Variants in RASGEF1C observed in about 807,000 individuals in gnomAD.
RASGEF1C encodes ras-GEF domain-containing family member 1C.
Under a neutral mutation model 58.1 loss-of-function variants are expected in RASGEF1C, and 27 were observed. The ratio of observed to expected loss-of-function variants is 0.46; its 90% confidence interval spans 0.34 to 0.64. The LOEUF is 0.64. Among genes scored for constraint, RASGEF1C ranks in the 30% least tolerant of loss-of-function variants. The pLI is 0.01. For missense variants in RASGEF1C, 502 were observed against 605.1 expected, an observed-to-expected ratio of 0.83 and a Z score of 1.79; for synonymous variants, 243 against 246.3, an observed-to-expected ratio of 0.99 and a Z score of 0.13.
chr5:180,110,661 A>C (rs2113239948), intron 12 of RASGEF1C, among the ~76,000 whole-genome samples: 1 of 152,320 alleles, frequency 6.6e-6, no homozygotes, highest in East Asian at 1.9e-4. Flanking sequence ...ACAAATGATC[A>C]TATGGAAATG....
intron 4 of RASGEF1C, among the ~76,000 whole-genome samples, chr5:180,129,752 T>G (rs1766331578): frequency 6.6e-6 from 1 of 152,202 alleles, no homozygotes; most frequent in African/African-American, 2.4e-5. Context: ...CTCCCACCAC[T>G]GCCTCTGCCA....
intron 10 of RASGEF1C, among the ~76,000 whole-genome samples, chr5:180,117,349 T>C (rs1364888398): frequency 6.6e-6 from 1 of 152,210 alleles, no homozygotes; most frequent in African/African-American, 2.4e-5. Context: ...TTCCCAAACC[T>C]GCCCACTGGC....
intron 1 of RASGEF1C, among the ~76,000 whole-genome samples, chr5:180,146,377 C>T (rs1766661357): frequency 6.6e-6 from 1 of 152,280 alleles, no homozygotes; most frequent in African/African-American, 2.4e-5. Context: ...TTTCCAACTC[C>T]TGAGCTCAAG....
Position 180,121,471 on chromosome 5 carries a change from G to A in RASGEF1C, c.715-322C>T, listed in dbSNP as rs181676708. Among the ~76,000 whole-genome samples the A allele has an allele frequency of 9.2e-3, 1,404 of 152,090 alleles. 12 individuals carry two copies. The highest frequency in any genetic ancestry group is 0.014 in the Non-Finnish European group (926 of 67,996). On this transcript the variant is annotated intron_variant, in intron 6 of 13. Transcript: ENST00000361132. ...TGGGACTACAGGCGCCCGCCACCAC[G>A]CCCAGAGAATTTTTTGTATTTTTAG...
chr5:180,182,725 T>C (rs1361663387), intron 1 of RASGEF1C, among the ~76,000 whole-genome samples: 4 of 152,224 alleles, frequency 2.6e-5, no homozygotes, highest in African/African-American at 9.6e-5. Context: ...GATGCGTTTT[T>C]ACAGAGTGCT....
chr5:180,208,052 T>C (rs972186486), intron 1 of RASGEF1C, among the ~76,000 whole-genome samples: 10 of 152,280 alleles, frequency 6.6e-5, no homozygotes, highest in South Asian at 2.1e-4. Flanking sequence ...TCAATGAATG[T>C]GGCCAGTGAG....
intron 1 of RASGEF1C, among the ~76,000 whole-genome samples, chr5:180,205,479 C>T (rs1756470845): frequency 6.6e-6 from 1 of 152,080 alleles, no homozygotes; most frequent in Non-Finnish European, 1.5e-5. Context: ...GATAACTCAA[C>T]TTCATAAAGA....
chr5:180,173,782 G>A (rs185283704), intron 1 of RASGEF1C, among the ~76,000 whole-genome samples: 28 of 152,132 alleles, frequency 1.8e-4, no homozygotes, highest in East Asian at 1.4e-3. Context: ...GCGTGGTGGT[G>A]GGCGCCTGTA....
At chr5:180,162,595 T>C (rs1766958908) in intron 1 of RASGEF1C, among the ~76,000 whole-genome samples, 1 of 152,238 alleles carries the variant, frequency 6.6e-6, no homozygotes. Flanking sequence ...CCCTTCCACA[T>C]TTGATCAACA....
chr5:180,108,716 T>C (rs1765908398), intron 12 of RASGEF1C, among the ~76,000 whole-genome samples: 1 of 152,216 alleles, frequency 6.6e-6, no homozygotes, highest in African/African-American at 2.4e-5. Flanking sequence ...TATATTTTCA[T>C]TTGCTTCAAG....
chr5:180,130,940 G>T (rs572208449), intron 4 of RASGEF1C, among the ~76,000 whole-genome samples: 2 of 152,082 alleles, frequency 1.3e-5, no homozygotes, highest in Non-Finnish European at 1.5e-5. Flanking sequence ...TGGATAGCGC[G>T]TCGGCCACCA....
At chr5:180,174,862 G>A (rs952795313) in intron 1 of RASGEF1C, among the ~76,000 whole-genome samples, 5 of 152,182 alleles carry the variant, frequency 3.3e-5, no homozygotes, top group East Asian at 3.9e-4. Flanking sequence ...GAGAGGGGCC[G>A]ACCTGTGCTA....
chr5:180,175,920 A>G (rs1218486973), intron 1 of RASGEF1C, among the ~76,000 whole-genome samples: 1 of 152,340 alleles, frequency 6.6e-6, no homozygotes, highest in East Asian at 1.9e-4. Context: ...CCCGGAAGGC[A>G]GAGCTTGAAG....
chr5:180,207,803 G>A (rs1339416304), intron 1 of RASGEF1C, among the ~76,000 whole-genome samples: 1 of 152,030 alleles, frequency 6.6e-6, no homozygotes, highest in Non-Finnish European at 1.5e-5. Flanking sequence ...CTGTTCCCCC[G>A]GGCTACCCGT....
At chr5:180,190,688 A>T (rs185285662) in intron 1 of RASGEF1C, among the ~76,000 whole-genome samples, 23 of 151,640 alleles carry the variant, frequency 1.5e-4, no homozygotes, top group East Asian at 7.7e-4. Context: ...ATAATAATAA[A>T]AATTTTAAAA....
chr5:180,162,456 C>G (rs756159332), intron 1 of RASGEF1C, among the ~76,000 whole-genome samples: 8 of 152,254 alleles, frequency 5.3e-5, no homozygotes, highest in Non-Finnish European at 1.0e-4. Flanking sequence ...GGAGGGGCCA[C>G]AGGCCAAGAG....
chr5:180,119,255 C>T, intron 8 of RASGEF1C, 91 bp downstream of exon 8: 1 of 1,098,386 alleles, frequency 9.1e-7, no homozygotes, highest in Non-Finnish European at 1.4e-6. Context: ...GAGGAGAGCC[C>T]TGGCTTGCAC....
chr5:180,101,967 T>A (rs986487169), intron 13 of RASGEF1C, 104 bp downstream of exon 13: 1 of 829,488 alleles, frequency 1.2e-6, no homozygotes, highest in Non-Finnish European at 2.0e-6. Context: ...CTCGGCCCTG[T>A]CCTGGTCCCA....
Position 180,137,223 on chromosome 5 carries a change from A to G in RASGEF1C, c.300+367T>C, listed in dbSNP as rs146743373. Among the ~76,000 whole-genome samples the G allele has an allele frequency of 1.3e-5, 2 of 152,122 alleles. No homozygotes were observed. The highest frequency in any genetic ancestry group is 4.8e-5 in the African/African-American group (2 of 41,428). On this transcript the variant is annotated intron_variant, in intron 3 of 13. Transcript: ENST00000361132. The surrounding 1 kb of genome is among the most constrained non-coding windows in gnomAD (Gnocchi z 4.1). ...GGTAGAGCCCTACCGACGCGTGTGC[A>G]ATAGAGGCAGCCCGCAGGACCCGGC...
Sources: gnomAD v4.1 joint callset for allele counts (sites outside exome capture counted in the v4.1 genomes callset) on GRCh38, gnomAD v4.1.1 for gene constraint, Gnocchi (gnomAD v3.1) non-coding constraint, MANE v1.5 for transcripts, NCBI Gene and HGNC (gene_info 2026-07-23, HGNC 2026-07-21) for gene names.